Variants in OLFM2 observed in about 807,000 individuals in gnomAD.
OLFM2 encodes the protein olfactomedin 2.
A neutral mutation model predicts 43.9 loss-of-function variants in OLFM2; 20 were observed. That is an observed-to-expected ratio of 0.46 (90% confidence interval 0.32 to 0.66). The LOEUF is 0.66. Among genes scored for constraint, OLFM2 ranks in the 30% least tolerant of loss-of-function variants. The pLI is 0.04. For synonymous variants in OLFM2, 268 were observed against 278.6 expected (o/e 0.96, Z 0.38); for missense variants, 416 against 643.6 (o/e 0.65, Z 3.83).
chr19:9,883,078 C>T (rs2046554330), intron 1 of OLFM2, among the ~76,000 whole-genome samples: 1 of 150,994 alleles, frequency 6.6e-6, no homozygotes, highest in Admixed American at 6.6e-5. Flanking sequence ...GGAGTGGTGA[C>T]AAGTGCCTGT....
chr19:9,877,470 T>A (rs1172990225), intron 1 of OLFM2, among the ~76,000 whole-genome samples: 2 of 151,460 alleles, frequency 1.3e-5, no homozygotes, highest in Non-Finnish European at 2.9e-5. Context: ...GAGGCGGAGG[T>A]TGCGGTGAGC....
At chr19:9,873,660 C>T (rs1204859317) in intron 1 of OLFM2, among the ~76,000 whole-genome samples, 1 of 152,032 alleles carries the variant, frequency 6.6e-6, no homozygotes, top group Non-Finnish European at 1.5e-5. Context: ...TAGGGTCTTG[C>T]TCTGTCCCCC....
At chr19:9,855,009 C>G (rs527270735) in intron 5 of OLFM2, 146 bp from the exon 6 acceptor site, 5 of 635,412 alleles carry the variant, frequency 7.9e-6, no homozygotes, top group African/African-American at 5.5e-5. Context: ...CAATTATGGC[C>G]CTAGTGTGAC....
At chr19:9,923,266 G>T (rs1209835241) in intron 1 of OLFM2, among the ~76,000 whole-genome samples, 1 of 151,910 alleles carries the variant, frequency 6.6e-6, no homozygotes, top group East Asian at 1.9e-4. Flanking sequence ...TAGAAACAGG[G>T]TGGAGTAGCT....
intron 1 of OLFM2, among the ~76,000 whole-genome samples, chr19:9,873,698 T>A (rs1280066988): frequency 1.3e-5 from 2 of 151,956 alleles, no homozygotes; most frequent in Admixed American, 1.3e-4. Flanking sequence ...GGTGTGATCA[T>A]GGCTCACTGC....
At chr19:9,935,756 G>C (rs1238542415) in intron 1 of OLFM2, among the ~76,000 whole-genome samples, 1 of 147,958 alleles carries the variant, frequency 6.8e-6, no homozygotes, top group South Asian at 2.2e-4. Context: ...CCCCCCAACC[G>C]CCACACACAC....
intron 1 of OLFM2, among the ~76,000 whole-genome samples, chr19:9,897,027 A>G (rs1453491888): frequency 6.6e-6 from 1 of 152,152 alleles, no homozygotes; most frequent in Non-Finnish European, 1.5e-5. Context: ...CCCTGTCTCT[A>G]CAAAAAATTA....
chr19:9,874,076 T>A (rs1190484597), intron 1 of OLFM2, among the ~76,000 whole-genome samples: 1 of 152,114 alleles, frequency 6.6e-6, no homozygotes, highest in Non-Finnish European at 1.5e-5. Context: ...ATGATACACT[T>A]GTCACAACTA....
chr19:9,904,650 G>A lies in OLFM2; in HGVS notation c.63+31654C>T, dbSNP rs2046770015. 1.3e-5 allele frequency among the ~76,000 whole-genome samples: 2 copies of A among 152,132 alleles called. 1 individual carries two copies. The highest frequency in any genetic ancestry group is 4.1e-4 in the South Asian group (2 of 4,822). On this transcript the variant is annotated intron_variant, in intron 1 of 5. Coordinates refer to ENST00000264833, the MANE Select transcript of OLFM2 (RefSeq NM_058164.4). ...AGGGGCCTGGTAGGACTAGAGAGAT[G>A]AGGAAAACTGGGGACTCTGAAGCCA...
chr19:9,882,131 C>T (rs1391734994), intron 1 of OLFM2, among the ~76,000 whole-genome samples: 1 of 151,446 alleles, frequency 6.6e-6, no homozygotes, highest in African/African-American at 2.4e-5. Flanking sequence ...CTCAGCTACT[C>T]GGGAGGCTGA....
intron 1 of OLFM2, among the ~76,000 whole-genome samples, chr19:9,931,722 A>AG (rs1161935103): frequency 0.023 from 3,539 of 151,642 alleles, 112 homozygotes; most frequent in Middle Eastern, 0.082. Flanking sequence ...AATAAAAAAA[A>AG]AAAAAGAAAT....
At chr19:9,889,935 T>A (rs1270197870) in intron 1 of OLFM2, among the ~76,000 whole-genome samples, 1 of 148,344 alleles carries the variant, frequency 6.7e-6, no homozygotes, top group Non-Finnish European at 1.5e-5. Flanking sequence ...TTTTTTTTTA[T>A]ATCTGCCTCA....
At chr19:9,915,558 C>T (rs1197931955) in intron 1 of OLFM2, among the ~76,000 whole-genome samples, 4 of 151,844 alleles carry the variant, frequency 2.6e-5, no homozygotes, top group East Asian at 3.9e-4. Context: ...TGCTCTGTCG[C>T]CCAGGCTGGA....
At chr19:9,873,595 C>T (rs928415948) in intron 1 of OLFM2, among the ~76,000 whole-genome samples, 12 of 152,128 alleles carry the variant, frequency 7.9e-5, no homozygotes, top group Admixed American at 3.9e-4. Flanking sequence ...GCTGAGACCA[C>T]AGGTGTGTGC....
chr19:9,877,264 T>C (rs939518719), intron 1 of OLFM2, among the ~76,000 whole-genome samples: 7 of 145,158 alleles, frequency 4.8e-5, no homozygotes, highest in Admixed American at 1.4e-4. Flanking sequence ...CCAGGTGCGG[T>C]GGCTCACACC....
At chr19:9,865,479 T>C (rs1205069995) in intron 1 of OLFM2, among the ~76,000 whole-genome samples, 3 of 132,224 alleles carry the variant, frequency 2.3e-5, no homozygotes, top group Admixed American at 1.6e-4. Flanking sequence ...TACCTCTCTG[T>C]TTTTTCTTTT....
At position 9,860,499 on chromosome 19, in the gene OLFM2, G is replaced by A. The variant is rs560708400; in HGVS notation, c.213+146C>T. ...AAGGAAAAAAAAAAAAAAAGGACCTGCCTGGAGAGGAGCTGGATTATCAGC... is the reference window on the plus strand; with the variant it reads ...AAGGAAAAAAAAAAAAAAAGGACCTACCTGGAGAGGAGCTGGATTATCAGC... On this transcript the variant is annotated intron_variant, in intron 2 of 5. Transcript: ENST00000264833. 124 of 770,814 alleles carry A rather than the reference G, an allele frequency of 1.6e-4. 1 individual carries two copies. The African/African-American group carries it at 2.0e-3, about 13-fold the overall frequency. The allele number at this position is 770,814 out of a possible 1,614,324, so 47.7% of individuals were successfully genotyped here.
chr19:9,914,829 G>A (rs1279328408), intron 1 of OLFM2, among the ~76,000 whole-genome samples: 1 of 151,988 alleles, frequency 6.6e-6, no homozygotes, highest in African/African-American at 2.4e-5. Flanking sequence ...GCCCCCTCCT[G>A]GCGTCCCCGC....
At chr19:9,917,737 C>A (rs1334721340) in intron 1 of OLFM2, among the ~76,000 whole-genome samples, 1 of 133,116 alleles carries the variant, frequency 7.5e-6, no homozygotes, top group East Asian at 2.4e-4. Flanking sequence ...TATTAAATTT[C>A]CCCTCTCTGA....
Sources: allele counts gnomAD v4.1 joint callset (sites outside exome capture counted in the v4.1 genomes callset), GRCh38; gene constraint gnomAD v4.1.1; transcripts MANE v1.5; gene names NCBI Gene and HGNC (gene_info 2026-07-23, HGNC 2026-07-21).